The following SLC25A26 variants were observed in gnomAD, a reference collection of about 807,000 sequenced individuals.
SLC25A26 encodes the protein solute carrier family 25 member 26.
In SLC25A26, 36 loss-of-function variants were observed where a neutral mutation model predicts 37.8. That is an observed-to-expected ratio of 0.95 (90% CI 0.73 to 1.26). The LOEUF is 1.26. Among genes scored for constraint, SLC25A26 ranks in the 50% most tolerant of loss-of-function variants. SLC25A26 has a pLI of 0.00. For synonymous variants in SLC25A26, 129 were observed against 122.5 expected (o/e 1.05, Z -0.35); for missense variants, 390 against 331.1 (o/e 1.18, Z -1.38).
rs559075029 is a variant in SLC25A26 at position 66,299,760 on chromosome 3, ATTGT to A, written c.453+36385_453+36388del. 1.1e-3 allele frequency among the ~76,000 whole-genome samples: 174 copies of A among 152,168 alleles called. 2 individuals carry two copies. Among genetic ancestry groups the A allele is most frequent in the South Asian group, 7.3e-3 (35 of 4,818 alleles). ...TTTTTGTTTTTTATTAAACGTCTTG[ATTGT>A]TTGACTGTCATGGTTGTTTGTATAA... On this transcript the variant is annotated intron_variant, in intron 5 of 9. Coordinates refer to ENST00000354883, the MANE Select transcript of SLC25A26 (RefSeq NM_001379210.1).
At chr3:66,329,527 A>T (rs961211722) in intron 5 of SLC25A26, among the ~76,000 whole-genome samples, 2 of 152,170 alleles carry the variant, frequency 1.3e-5, no homozygotes, top group East Asian at 3.8e-4. Context: ...CTTACCCCTA[A>T]GAATGAATAT....
intron 5 of SLC25A26, among the ~76,000 whole-genome samples, chr3:66,297,170 A>C (rs1295877158): frequency 6.6e-6 from 1 of 152,058 alleles, no homozygotes; most frequent in African/African-American, 2.4e-5. Context: ...TATTAAAAAT[A>C]CAAAAAAAAT....
At chr3:66,330,294 A>G (rs906990937) in intron 5 of SLC25A26, among the ~76,000 whole-genome samples, 2 of 152,180 alleles carry the variant, frequency 1.3e-5, no homozygotes, top group African/African-American at 2.4e-5. Flanking sequence ...TTAGTTTAAC[A>G]TATCTATTAG....
At chr3:66,293,733 C>T (rs13066526) in intron 5 of SLC25A26, among the ~76,000 whole-genome samples, 25,811 of 152,020 alleles carry the variant, frequency 0.17, 3,138 homozygotes, top group East Asian at 0.62. Context: ...TTTTTTCTTA[C>T]GGCTGTATAG....
chr3:66,344,330 G>C (rs548803675), intron 5 of SLC25A26, among the ~76,000 whole-genome samples: 88 of 152,248 alleles, frequency 5.8e-4, no homozygotes, highest in African/African-American at 2.1e-3. Flanking sequence ...AGGCGTGGTG[G>C]CACATACCTG....
intron 5 of SLC25A26, among the ~76,000 whole-genome samples, chr3:66,331,222 C>T (rs1202091416): frequency 1.3e-5 from 2 of 151,972 alleles, no homozygotes. Flanking sequence ...TCCCGTGTTT[C>T]CACCAAGTTA....
At chr3:66,144,068 G>T (rs1369022580) in intron 1 of SLC25A26, among the ~76,000 whole-genome samples, 2 of 152,132 alleles carry the variant, frequency 1.3e-5, no homozygotes, top group African/African-American at 4.8e-5. Context: ...GGGGTAATAT[G>T]ATAGAGAACA....
intron 5 of SLC25A26, among the ~76,000 whole-genome samples, chr3:66,326,746 A>G (rs916752438): frequency 3.9e-5 from 6 of 152,156 alleles, no homozygotes; most frequent in African/African-American, 9.7e-5. Context: ...TTGAGCCCCA[A>G]ATGTGTTCAT....
chr3:66,155,781 T>C (rs561683107), intron 1 of SLC25A26, among the ~76,000 whole-genome samples: 9 of 152,232 alleles, frequency 5.9e-5, no homozygotes, highest in African/African-American at 2.2e-4. Context: ...GCCCAGACTC[T>C]CTCGCTCTCT....
intron 2 of SLC25A26, among the ~76,000 whole-genome samples, chr3:66,242,654 G>C (rs1046078636): frequency 4.1e-5 from 6 of 146,588 alleles, no homozygotes; most frequent in Non-Finnish European, 7.8e-5. Context: ...TTGTGATAGG[G>C]GTAGCTTTTT....
At chr3:66,328,360 CGTGAATCAGT>C (rs1553696527) in intron 5 of SLC25A26, among the ~76,000 whole-genome samples, 2 of 152,180 alleles carry the variant, frequency 1.3e-5, no homozygotes, top group Non-Finnish European at 2.9e-5. Flanking sequence ...GCACTCCTCA[CGTGAATCAGT>C]GTTAGACCTT....
chr3:66,368,652 ATG>A (rs1374672591), intron 7 of SLC25A26, among the ~76,000 whole-genome samples: 2 of 152,194 alleles, frequency 1.3e-5, no homozygotes, highest in African/African-American at 4.8e-5. Context: ...ACAATGTCAC[ATG>A]TGAGTCTGTT....
chr3:66,314,099 G>C (rs2075462508), intron 5 of SLC25A26, among the ~76,000 whole-genome samples: 1 of 152,006 alleles, frequency 6.6e-6, no homozygotes. Context: ...CTTCTTGTTT[G>C]AATCCTTTAT....
intron 7 of SLC25A26, among the ~76,000 whole-genome samples, chr3:66,367,823 C>A (rs1294423409): frequency 2.6e-5 from 4 of 151,986 alleles, no homozygotes; most frequent in Non-Finnish European, 5.9e-5. Context: ...GATTTCAAGA[C>A]CAAGTCCACA....
chr3:66,163,234 T>C (rs1385213481), intron 1 of SLC25A26, among the ~76,000 whole-genome samples: 2 of 152,226 alleles, frequency 1.3e-5, no homozygotes, highest in Non-Finnish European at 2.9e-5. Flanking sequence ...ACAAACCACG[T>C]TCCATATGCC....
intron 1 of SLC25A26, among the ~76,000 whole-genome samples, chr3:66,201,640 C>T: frequency 6.6e-6 from 1 of 152,252 alleles, no homozygotes; most frequent in Middle Eastern, 3.4e-3. Flanking sequence ...TTAAAAGGAA[C>T]CTTTTCTAGA....
chr3:66,143,955 C>T (rs2070076542), intron 1 of SLC25A26, among the ~76,000 whole-genome samples: 1 of 152,114 alleles, frequency 6.6e-6, no homozygotes, highest in South Asian at 2.1e-4. Flanking sequence ...TAAGTAGGCA[C>T]AGTGTCCTGA....
chr3:66,326,239 A>G (rs2075834589), intron 5 of SLC25A26, among the ~76,000 whole-genome samples: 1 of 152,200 alleles, frequency 6.6e-6, no homozygotes. Flanking sequence ...ATGTGGAGAT[A>G]ATGAGTATCT....
intron 3 of SLC25A26, among the ~76,000 whole-genome samples, chr3:66,254,205 C>T (rs997827480): frequency 6.6e-6 from 1 of 152,148 alleles, no homozygotes; most frequent in Admixed American, 6.5e-5. Context: ...GCTGTAATTC[C>T]ATTTATCAAC....
Sources: allele counts gnomAD v4.1 joint callset (sites outside exome capture counted in the v4.1 genomes callset), GRCh38; gene constraint gnomAD v4.1.1; transcripts MANE v1.5; gene names NCBI Gene and HGNC (gene_info 2026-07-23, HGNC 2026-07-21).